Variants in CUX1 observed in about 807,000 individuals in gnomAD.
CUX1 encodes the protein cut like homeobox 1, also known as protein CASP.
CUX1 carries 31 observed loss-of-function variants against 158.8 expected under a neutral mutation model. That is an observed-to-expected ratio of 0.20 (90% confidence interval 0.15 to 0.26). The LOEUF (loss-of-function observed/expected upper bound fraction) is 0.26, where lower values mean the gene tolerates loss of function less well. CUX1 is among the 10% of genes least tolerant of loss of function. The pLI is 1.00. For missense variants in CUX1, 1,589 were observed against 2,014.6 expected (o/e 0.79, Z 4.04); for synonymous variants, 879 against 862.1 (o/e 1.02, Z -0.34).
chr7:102,164,181 G>A (rs1264658221), intron 9 of CUX1, among the ~76,000 whole-genome samples: 3 of 152,104 alleles, frequency 2.0e-5, no homozygotes, highest in Admixed American at 6.5e-5. Flanking sequence ...AAAGTGGCCC[G>A]CCCACCACCC....
intron 16 of CUX1, chr7:102,274,320 G>C: frequency 1.2e-6 from 2 of 1,611,388 alleles, no homozygotes; most frequent in Non-Finnish European, 1.7e-6. Flanking sequence ...GGTAAGGAGA[G>C]GCCTGACCCA....
chr7:101,839,502 G>T lies in CUX1; in HGVS notation c.30+21833G>T, dbSNP rs150574512. Among the ~76,000 whole-genome samples the T allele has an allele frequency of 3.5e-3, 530 of 152,270 alleles. 15 individuals carry two copies. Among genetic ancestry groups the T allele is most frequent in the Admixed American group, 0.033 (503 of 15,282 alleles). ...TTCTTTCCCCCACAATCTCATCCGT[G>T]CTTTGTGGAGATATTTTTTGCCAGT... is the stretch of plus-strand genomic sequence containing the variant. On this transcript the variant is annotated intron_variant, in intron 1 of 23. Coordinates refer to ENST00000292535, the MANE Select transcript of CUX1 (RefSeq NM_181552.4).
chr7:101,893,501 T>C (rs1801125544), intron 1 of CUX1, among the ~76,000 whole-genome samples: 2 of 152,168 alleles, frequency 1.3e-5, no homozygotes, highest in Non-Finnish European at 2.9e-5. Context: ...AGAAGCGCGT[T>C]TGGGGCACGG....
intron 2 of CUX1, among the ~76,000 whole-genome samples, chr7:101,923,551 G>A (rs756111951): frequency 2.1e-4 from 32 of 152,298 alleles, no homozygotes; most frequent in Non-Finnish European, 4.4e-5. Context: ...AACAGACCCC[G>A]TTGCTCTGGG....
intron 2 of CUX1, among the ~76,000 whole-genome samples, chr7:102,017,563 G>A (rs531103157): frequency 6.4e-4 from 98 of 152,216 alleles, no homozygotes; most frequent in African/African-American, 2.3e-3. Context: ...AATACAATAT[G>A]TGGGCCAGTG....
chr7:101,968,907 A>T (rs1811576761), intron 2 of CUX1, among the ~76,000 whole-genome samples: 1 of 152,094 alleles, frequency 6.6e-6, no homozygotes, highest in African/African-American at 2.4e-5. Flanking sequence ...TCCTCTCTCC[A>T]CATTGGTAAA....
intron 8 of CUX1, among the ~76,000 whole-genome samples, chr7:102,138,238 C>T (rs1228940914): frequency 3.3e-5 from 5 of 152,208 alleles, no homozygotes; most frequent in African/African-American, 9.6e-5. Context: ...GTGTTTCTAC[C>T]ACCCTTTTTG....
rs1554540781 is a variant in CUX1 at position 102,253,192 on chromosome 7, C to T, written c.*4150C>T. The T allele has an allele frequency of 3.0e-6, 3 of 985,488 alleles. No individual in the cohort carries two copies. The highest frequency in any genetic ancestry group is 2.4e-6 in the Non-Finnish European group (2 of 829,972). 61.0% of individuals were successfully genotyped at this position (985,488 alleles called of 1,614,324 possible). A position where few individuals can be genotyped will look rare whatever the true frequency, so the allele number is the denominator to read the frequency against. On this transcript the variant is annotated 3_prime_UTR_variant, in exon 24 of 24. Coordinates refer to ENST00000292535, the MANE Select transcript of CUX1 (RefSeq NM_181552.4). ...GTGGACGTTCAGGTCTGCTGGTTGG[C>T]GGTCCGGGCCCAGAGTGCAGCAGAG...
intron 3 of CUX1, among the ~76,000 whole-genome samples, chr7:102,065,924 G>A (rs1346022503): frequency 6.6e-6 from 1 of 151,766 alleles, no homozygotes; most frequent in Non-Finnish European, 1.5e-5. Context: ...CTGAGTAGCT[G>A]GCATTACAGG....
At chr7:102,261,163 G>A (rs1440134800), downstream of CUX1, among the ~76,000 whole-genome samples, 1 of 152,192 alleles carries the variant, frequency 6.6e-6, no homozygotes, top group Non-Finnish European at 1.5e-5. Context: ...TGAAGTTCCT[G>A]TCTTTTCCAA....
intron 2 of CUX1, among the ~76,000 whole-genome samples, chr7:101,948,891 T>G (rs1808707922): frequency 6.6e-6 from 1 of 152,248 alleles, no homozygotes; most frequent in Admixed American, 6.5e-5. Context: ...CAGGCCACTG[T>G]GCCCCTGCAA....
At chr7:102,126,002 C>CT (rs1167720199) in intron 8 of CUX1, among the ~76,000 whole-genome samples, 1 of 151,468 alleles carries the variant, frequency 6.6e-6, no homozygotes, top group Non-Finnish European at 1.5e-5. Context: ...ATTATTTTCC[C>CT]TTTTTTATGT....
Position 102,249,533 on chromosome 7 carries a change from C to G in CUX1, c.*491C>G. 2.0e-6 allele frequency: 2 copies of G among 985,846 alleles called. No individual in the cohort carries two copies. The highest frequency in any genetic ancestry group is 4.7e-5 in the South Asian group (1 of 21,282). The allele number at this position is 985,846 out of a possible 1,614,324, so 61.1% of individuals were successfully genotyped here. On this transcript the variant is annotated 3_prime_UTR_variant, in exon 24 of 24. Transcript: ENST00000292535. ...TCCACAGGTTCTGGAATAACTCTTACAGCTTTGCCTTGTGTCCTCCTGTTC... is the reference window on the plus strand; with the variant it reads ...TCCACAGGTTCTGGAATAACTCTTAGAGCTTTGCCTTGTGTCCTCCTGTTC...
intron 10 of CUX1, among the ~76,000 whole-genome samples, chr7:102,172,130 G>A (rs145927124): frequency 6.6e-6 from 1 of 152,270 alleles, no homozygotes; most frequent in Non-Finnish European, 1.5e-5. Flanking sequence ...CTGTCGCCCA[G>A]GCTGGAGTGT....
At chr7:102,234,922 CAA>C (rs377426981) in intron 22 of CUX1, among the ~76,000 whole-genome samples, 2 of 145,188 alleles carry the variant, frequency 1.4e-5, no homozygotes, top group Admixed American at 6.9e-5. Context: ...GACCCTATCT[CAA>C]AAAAAAAAAA....
intron 11 of CUX1, among the ~76,000 whole-genome samples, chr7:102,183,621 C>T (rs1554514583): frequency 6.6e-6 from 1 of 152,088 alleles, no homozygotes; most frequent in Non-Finnish European, 1.5e-5. Flanking sequence ...AGGCCTGGAC[C>T]CCAGAGATGC....
chr7:102,218,139 C>G (rs1222931131), intron 20 of CUX1, among the ~76,000 whole-genome samples: 1 of 152,210 alleles, frequency 6.6e-6, no homozygotes, highest in Non-Finnish European at 1.5e-5. Flanking sequence ...TGACACTGCT[C>G]TCCCCAGAAA....
At chr7:101,978,624 T>G (rs1813015757) in intron 2 of CUX1, among the ~76,000 whole-genome samples, 1 of 152,244 alleles carries the variant, frequency 6.6e-6, no homozygotes, top group Non-Finnish European at 1.5e-5. Context: ...TCTGATGTCT[T>G]TCCATCCAAC....
intron 8 of CUX1, among the ~76,000 whole-genome samples, chr7:102,121,178 A>G (rs782282687): frequency 1.3e-5 from 2 of 151,958 alleles, no homozygotes; most frequent in Non-Finnish European, 2.9e-5. Flanking sequence ...TTTATTTTTT[A>G]TTTTTTTGAG....
Sources: gnomAD v4.1 joint callset for allele counts (sites outside exome capture counted in the v4.1 genomes callset) on GRCh38, gnomAD v4.1.1 for gene constraint, MANE v1.5 for transcripts, NCBI Gene and HGNC (gene_info 2026-07-23, HGNC 2026-07-21) for gene names.